The following ZNF273 variants were observed in gnomAD, a reference collection of about 807,000 sequenced individuals.
ZNF273 encodes the protein zinc finger protein 9.
Under a neutral mutation model 14.9 loss-of-function variants are expected in ZNF273, and 11 were observed. The ratio of observed to expected loss-of-function variants is 0.74; its 90% CI spans 0.46 to 1.22. The LOEUF (loss-of-function observed/expected upper bound fraction) is 1.22. Among genes scored for constraint, ZNF273 ranks in the 50% most tolerant of loss-of-function variants. The pLI, the probability that ZNF273 is intolerant of heterozygous loss-of-function variation, is 0.00. For synonymous variants in ZNF273, 199 were observed against 223.9 expected (o/e 0.89, Z 0.99); for missense variants, 577 against 660.6 (o/e 0.87, Z 1.39).
intron 1 of ZNF273, among the ~76,000 whole-genome samples, chr7:64,916,369 G>GA (rs762863213): frequency 4.4e-5 from 6 of 135,128 alleles, no homozygotes; most frequent in African/African-American, 1.6e-4. Context: ...TACTAAAAAT[G>GA]TAAAAAAAAA....
At chr7:64,916,918 G>T in intron 1 of ZNF273, 1 of 891,514 alleles carries the variant, frequency 1.1e-6, no homozygotes, top group Non-Finnish European at 1.4e-6. Context: ...GTATCTTTAT[G>T]CAGCTGATGT....
downstream of ZNF273, among the ~76,000 whole-genome samples, chr7:64,932,369 G>A (rs892056681): frequency 2.6e-5 from 4 of 152,024 alleles, no homozygotes; most frequent in East Asian, 1.9e-4. Context: ...GGAGTGCAAT[G>A]GCGCGATCTT....
intron 3 of ZNF273, among the ~76,000 whole-genome samples, chr7:64,895,731 A>C (rs894501380): frequency 3.0e-4 from 46 of 152,248 alleles, no homozygotes; most frequent in African/African-American, 1.1e-3. Flanking sequence ...AAATACATCC[A>C]TATTTCAGCA....
At position 64,927,710 on chromosome 7, in the gene ZNF273, T is replaced by C. The variant is rs199562559; in HGVS notation, c.382T>C (p.Phe128Leu). The C allele has an allele frequency of 2.0e-4, 320 of 1,606,564 alleles. 3 individuals are homozygous for C. In the East Asian group the frequency reaches 7.1e-3, roughly 36 times the overall value. ...LWPKQGLKDS[F>L]QKVILRRYGK... Reference sequence around the variant, plus strand: ...GCCAAAGCAGGGCTTAAAAGATTCTTTTCAAAAAGTGATACTGAGAAGATA... The same window carrying C: ...GCCAAAGCAGGGCTTAAAAGATTCTCTTCAAAAAGTGATACTGAGAAGATA... The change falls in exon 4 of 4, where the codon TTT becomes CTT. Residue 128 changes from phenylalanine (F) to leucine (L), a missense_variant. Coordinates refer to ENST00000476120, the MANE Select transcript of ZNF273 (RefSeq NM_021148.3).
At chr7:64,925,153 C>G (rs781143316) in intron 3 of ZNF273, among the ~76,000 whole-genome samples, 61 of 151,866 alleles carry the variant, frequency 4.0e-4, no homozygotes, top group Non-Finnish European at 6.5e-4. Context: ...GTCTCTTGAT[C>G]GGAAAGTTAA....
chr7:64,909,529 A>G (rs576470726), intron 1 of ZNF273, among the ~76,000 whole-genome samples: 6 of 152,270 alleles, frequency 3.9e-5, no homozygotes, highest in African/African-American at 9.6e-5. Flanking sequence ...GCGCCCAGCC[A>G]TAATGTTTTC....
intron 1 of ZNF273, chr7:64,916,963 T>G: frequency 8.3e-7 from 1 of 1,204,118 alleles, no homozygotes; most frequent in Non-Finnish European, 1.0e-6. Context: ...GAAGCTGCCC[T>G]TCTTTCTTAG....
upstream of ZNF273, chr7:64,903,195 G>A (rs920649101): frequency 1.2e-5 from 9 of 752,736 alleles, no homozygotes; most frequent in African/African-American, 1.6e-4. Flanking sequence ...TCCAATCAGG[G>A]ACGCTGGGCT....
At chr7:64,880,962 C>T (rs968368612), downstream of ZNF273, among the ~76,000 whole-genome samples, 4 of 152,154 alleles carry the variant, frequency 2.6e-5, no homozygotes, top group Non-Finnish European at 5.9e-5. Flanking sequence ...AGAGTGTGAG[C>T]TGCAGTTAGG....
chr7:64,889,323 C>A, downstream of ZNF273: 2 of 963,742 alleles, frequency 2.1e-6, no homozygotes, highest in South Asian at 4.8e-5. The surrounding 1 kb of genome is among the most constrained non-coding windows in gnomAD (Gnocchi z 4.2). Context: ...GAGCCGTACC[C>A]ACCGCGTCCC....
At chr7:64,921,632 TTTTTTGTG>T (rs1794464356) in intron 3 of ZNF273, among the ~76,000 whole-genome samples, 3 of 31,482 alleles carry the variant, frequency 9.5e-5, no homozygotes, top group Admixed American at 3.8e-4. Context: ...TTTTTTTTTT[TTTTTTGTG>T]TGTGAGACAG....
At chr7:64,882,795 C>T (rs1466502727), downstream of ZNF273, 1 of 152,320 alleles carries the variant, frequency 6.6e-6, no homozygotes, top group Admixed American at 6.5e-5. Flanking sequence ...GGTGAGTCTC[C>T]TTAAACGTTG....
Position 64,927,654 on chromosome 7 carries a change from T to C in ZNF273, c.326T>C (p.Val109Ala). 1 of 1,557,172 alleles carries C rather than the reference T, an allele frequency of 6.4e-7. No homozygotes were observed. Among genetic ancestry groups the C allele is most frequent in the South Asian group, 1.2e-5 (1 of 80,352 alleles). Residue 109 changes from valine to alanine, a missense_variant and splice_region_variant, in exon 4 of 4, where the codon GTT becomes GCT. Coordinates refer to ENST00000476120, the MANE Select transcript of ZNF273 (RefSeq NM_021148.3). ...KRHAMVAKPPVVCSHFAQDLW... is the reference protein window; with the variant it reads ...KRHAMVAKPPAVCSHFAQDLW... ...TAATTGTTACTTTTATTTCTTTCAG[T>C]TGTGTGTTCTCATTTTGCCCAAGAC...
chr7:64,917,009 G>A (rs1794054611), intron 1 of ZNF273: 1 of 1,265,412 alleles, frequency 7.9e-7, no homozygotes, highest in South Asian at 1.3e-5. Flanking sequence ...GGAAAATAAA[G>A]GCTCTCATCT....
Position 64,927,733 on chromosome 7 carries a change from A to G in ZNF273, c.405A>G (p.Arg135=). The G allele has an allele frequency of 6.2e-7, 1 of 1,613,122 alleles. No individual in the cohort carries two copies. The highest frequency in any genetic ancestry group is 8.5e-7 in the Non-Finnish European group (1 of 1,179,744). The part of the protein sequence containing the change: ...KDSFQKVILR[R]YGKYGHENLQ... The stretch of plus-strand genomic sequence containing the variant: ...CTTTTCAAAAAGTGATACTGAGAAG[A>G]TATGGAAAATATGGACATGAGAATT... The change falls in exon 4 of 4, where the codon AGA becomes AGG. Residue 135 remains arginine, a synonymous_variant. Transcript: ENST00000476120.
At chr7:64,902,059 ATAT>A (rs918946144), upstream of ZNF273, among the ~76,000 whole-genome samples, 6 of 148,552 alleles carry the variant, frequency 4.0e-5, no homozygotes, top group South Asian at 1.0e-3. Flanking sequence ...TACATATTTT[ATAT>A]TATTATATAC....
At position 64,928,760 on chromosome 7, in the gene ZNF273, A is replaced by T. The variant is rs1436574975; in HGVS notation, c.1432A>T (p.Arg478Ter). 22 of 1,613,380 alleles carry T rather than the reference A, an allele frequency of 1.4e-5. No individual in the cohort carries two copies. In the East Asian group the frequency reaches 4.2e-4, roughly 31 times the overall value. The change falls in exon 4 of 4, where the codon AGA becomes TGA. Residue 478 changes from arginine to a stop codon, truncating the protein, a stop_gained. Transcript: ENST00000476120. LOFTEE classifies it low-confidence loss of function (END_TRUNC). Reference protein sequence around the residue: ...RAFSTLTEHKRVHTGEKPYKC... With the variant: ...RAFSTLTEHK Reference sequence around the variant, plus strand: ...ATTCTCAACCCTTACTGAACATAAGAGAGTTCATACTGGAGAGAAACCTTA... The same window carrying T: ...ATTCTCAACCCTTACTGAACATAAGTGAGTTCATACTGGAGAGAAACCTTA...
downstream of ZNF273, among the ~76,000 whole-genome samples, chr7:64,934,637 T>C (rs1433634871): frequency 6.6e-6 from 1 of 152,190 alleles, no homozygotes; most frequent in Non-Finnish European, 1.5e-5. Flanking sequence ...GATATATTCC[T>C]GGTTTGTCTT....
At chr7:64,894,195 G>A (rs1792224295), downstream of ZNF273, among the ~76,000 whole-genome samples, 1 of 152,084 alleles carries the variant, frequency 6.6e-6, no homozygotes, top group African/African-American at 2.4e-5. Flanking sequence ...AGAAGAAACA[G>A]GGTTTCACCG....
Sources: allele counts gnomAD v4.1 joint callset (sites outside exome capture counted in the v4.1 genomes callset), GRCh38; gene constraint gnomAD v4.1.1; non-coding constraint Gnocchi (gnomAD v3.1); transcripts MANE v1.5; gene names NCBI Gene and HGNC (gene_info 2026-07-23, HGNC 2026-07-21).